FHIT: variants seen among roughly 807,000 people sequenced by gnomAD.
FHIT encodes fragile histidine triad diadenosine triphosphatase, also known as bis(5'-adenosyl)-triphosphatase.
FHIT carries 19 observed loss-of-function variants against 17.9 expected under a neutral mutation model. The ratio of observed to expected loss-of-function variants is 1.06; its 90% CI spans 0.74 to 1.56. The LOEUF (loss-of-function observed/expected upper bound fraction) is 1.56. Ranked by LOEUF, FHIT falls within the 40% of genes most tolerant of loss-of-function variation. The probability of loss-of-function intolerance (pLI) is 0.00; values close to 1 mark genes in which losing one functional copy is unlikely to be tolerated. For missense variants in FHIT, 248 were observed against 189.2 expected, an observed-to-expected ratio of 1.31 and a Z score of -1.82; for synonymous variants, 81 against 69.7, an observed-to-expected ratio of 1.16 and a Z score of -0.81.
At position 59,833,819 on chromosome 3, in the gene FHIT, C is replaced by T. The variant is rs1395664226; in HGVS notation, c.349-81498G>A. Among the ~76,000 whole-genome samples, 4 of 152,092 alleles carry T rather than the reference C, an allele frequency of 2.6e-5. No homozygotes were observed. In the East Asian group the frequency reaches 5.8e-4, roughly 22 times the overall value. On this transcript the variant is annotated intron_variant, in intron 8 of 9. Transcript: ENST00000492590. ...GATTGGATCAGGGGGACAGTTTCCTCCATGCTGTTCTTGTGATAGTGAGTT... is the reference window on the plus strand; with the variant it reads ...GATTGGATCAGGGGGACAGTTTCCTTCATGCTGTTCTTGTGATAGTGAGTT...
At position 60,451,429 on chromosome 3, in the gene FHIT, T is replaced by G. The variant is rs182304339; in HGVS notation, c.103+85431A>C. Among the ~76,000 whole-genome samples the G allele has an allele frequency of 1.8e-4, 27 of 152,258 alleles. No individual in the cohort carries two copies. In the East Asian group the frequency reaches 4.4e-3, roughly 25 times the overall value. On this transcript the variant is annotated intron_variant, in intron 5 of 9. Transcript: ENST00000492590. ...AACCCGAATAAACTCATCTCCTTAA[T>G]GGACTGGTACATCTTGTCTTTGACA...
At chr3:60,179,634 C>T (rs1246414999) in intron 5 of FHIT, among the ~76,000 whole-genome samples, 4 of 151,822 alleles carry the variant, frequency 2.6e-5, no homozygotes, top group Non-Finnish European at 5.9e-5. Context: ...TACCTAGCTA[C>T]AGGACCTCAA....
At chr3:59,897,038 G>A (rs1268797622) in intron 8 of FHIT, among the ~76,000 whole-genome samples, 1 of 152,060 alleles carries the variant, frequency 6.6e-6, no homozygotes, top group Non-Finnish European at 1.5e-5. Flanking sequence ...CTCTTGGTCT[G>A]CCTCCCACCC....
intron 7 of FHIT, among the ~76,000 whole-genome samples, chr3:60,006,649 G>A (rs552236947): frequency 1.8e-4 from 27 of 147,392 alleles, no homozygotes; most frequent in African/African-American, 2.9e-4. Context: ...TAGGGTTTCC[G>A]CATTCAAAAA....
At chr3:59,881,417 T>C (rs575857373) in intron 8 of FHIT, among the ~76,000 whole-genome samples, 1 of 152,326 alleles carries the variant, frequency 6.6e-6, no homozygotes, top group African/African-American at 2.4e-5. Flanking sequence ...AGCTCATTAC[T>C]AAAAATCATT....
chr3:60,516,496 G>A (rs2035163905), intron 5 of FHIT, among the ~76,000 whole-genome samples: 1 of 152,150 alleles, frequency 6.6e-6, no homozygotes, highest in Non-Finnish European at 1.5e-5. Flanking sequence ...CGGGGCCCCA[G>A]GACCACTGGT....
intron 5 of FHIT, among the ~76,000 whole-genome samples, chr3:60,445,580 TGA>T (rs138206272): frequency 0.011 from 1,744 of 152,212 alleles, 36 homozygotes; most frequent in African/African-American, 0.039. Context: ...GTTTATCATT[TGA>T]GAGAGGTGTG....
chr3:61,000,667 T>TA (rs1389966559), intron 3 of FHIT, among the ~76,000 whole-genome samples: 1 of 152,204 alleles, frequency 6.6e-6, no homozygotes, highest in Non-Finnish European at 1.5e-5. Flanking sequence ...CTAGGGGCCT[T>TA]AGCACTTGAG....
intron 3 of FHIT, among the ~76,000 whole-genome samples, chr3:60,919,114 A>G (rs1707151226): frequency 6.6e-6 from 1 of 152,188 alleles, no homozygotes; most frequent in African/African-American, 2.4e-5. Context: ...AAGAGAAGAA[A>G]GTTAAGCTCT....
chr3:61,107,140 G>A (rs372919716), intron 2 of FHIT, among the ~76,000 whole-genome samples: 9 of 152,064 alleles, frequency 5.9e-5, no homozygotes, highest in East Asian at 1.9e-4. Flanking sequence ...CACCCTCCGC[G>A]CCAACTCCTG....
intron 5 of FHIT, among the ~76,000 whole-genome samples, chr3:60,046,447 G>A (rs1027212682): frequency 2.0e-5 from 3 of 152,172 alleles, no homozygotes; most frequent in African/African-American, 7.2e-5. Flanking sequence ...ATTGAAGAGG[G>A]CTCGGCCAGC....
chr3:61,212,614 A>G (rs1174923013), intron 1 of FHIT, among the ~76,000 whole-genome samples: 1 of 152,218 alleles, frequency 6.6e-6, no homozygotes, highest in Admixed American at 6.5e-5. Flanking sequence ...CCAATCTAGC[A>G]AGGCAGGCCA....
chr3:60,824,205 C>T (rs896800297), intron 3 of FHIT, among the ~76,000 whole-genome samples: 1 of 152,160 alleles, frequency 6.6e-6, no homozygotes, highest in African/African-American at 2.4e-5. Context: ...CTGCAGTTAT[C>T]CTGGTGAATA....
At position 61,140,193 on chromosome 3, in the gene FHIT, A is replaced by T. The variant is rs550140791; in HGVS notation, c.-164+60424T>A. On this transcript the variant is annotated intron_variant, in intron 2 of 9. Transcript: ENST00000492590. Reference sequence around the variant, plus strand: ...GAACTTATTCAGTCTTCCATAAAACATTTAAATAATAGTGATACCTATCTT... The same window carrying T: ...GAACTTATTCAGTCTTCCATAAAACTTTTAAATAATAGTGATACCTATCTT... 1.1e-4 allele frequency among the ~76,000 whole-genome samples: 17 copies of T among 152,318 alleles called. No individual in the cohort carries two copies. In the South Asian group the frequency reaches 3.1e-3, roughly 28 times the overall value.
chr3:60,338,646 T>A (rs1710362623), intron 5 of FHIT, among the ~76,000 whole-genome samples: 1 of 152,190 alleles, frequency 6.6e-6, no homozygotes, highest in South Asian at 2.1e-4. Context: ...CTAGACCACT[T>A]AGATGTTGCC....
chr3:60,024,241 T>C (rs1700656003), intron 5 of FHIT, among the ~76,000 whole-genome samples: 1 of 152,154 alleles, frequency 6.6e-6, no homozygotes, highest in Non-Finnish European at 1.5e-5. Flanking sequence ...ACATCCTTTA[T>C]TTCAAATAAA....
At chr3:59,960,114 G>A (rs1707598213) in intron 7 of FHIT, among the ~76,000 whole-genome samples, 1 of 152,168 alleles carries the variant, frequency 6.6e-6, no homozygotes, top group African/African-American at 2.4e-5. Flanking sequence ...AAAAATTTGA[G>A]AGAGAGGAAG....
At chr3:59,816,724 A>G (rs1007603983) in intron 8 of FHIT, among the ~76,000 whole-genome samples, 1 of 152,206 alleles carries the variant, frequency 6.6e-6, no homozygotes, top group Admixed American at 6.5e-5. Flanking sequence ...CCCTCTCACC[A>G]TGTCAACTTT....
At chr3:60,466,519 T>C (rs564245372) in intron 5 of FHIT, among the ~76,000 whole-genome samples, 1 of 152,190 alleles carries the variant, frequency 6.6e-6, no homozygotes, top group South Asian at 2.1e-4. Flanking sequence ...CTGTCATATA[T>C]GGCTTTTATT....
Sources: gnomAD v4.1 joint callset for allele counts (sites outside exome capture counted in the v4.1 genomes callset) on GRCh38, gnomAD v4.1.1 for gene constraint, MANE v1.5 for transcripts, NCBI Gene and HGNC (gene_info 2026-07-23, HGNC 2026-07-21) for gene names.